Variants in IFT122 observed in about 807,000 individuals in gnomAD.
IFT122 encodes intraflagellar transport 122.
In IFT122, 118 loss-of-function variants were observed where a neutral mutation model predicts 161.6. That is an observed-to-expected ratio of 0.73 (90% CI 0.63 to 0.85). IFT122 has a LOEUF of 0.85. IFT122 is among the 40% of genes least tolerant of loss of function. The probability of loss-of-function intolerance (pLI) is 0.00; values close to 1 mark genes in which losing one functional copy is unlikely to be tolerated. For missense variants in IFT122, 1,381 were observed against 1,579.6 expected (o/e 0.87, Z 2.13); for synonymous variants, 550 against 602.4 (o/e 0.91, Z 1.27).
At chr3:129,519,806 G>A in intron 29 of IFT122, 74 bp downstream of exon 29, 3 of 1,571,848 alleles carry the variant, frequency 1.9e-6, no homozygotes, top group African/African-American at 1.3e-5. Flanking sequence ...CCCTCTGGGA[G>A]GCGTGGCCCC....
At chr3:129,450,011 C>CT (rs79918649) in intron 2 of IFT122, 74 bp downstream of exon 2, 49,153 of 758,552 alleles carry the variant, frequency 0.065, 3 homozygotes, top group East Asian at 0.082. Context: ...AAATTTGACC[C>CT]TTTTTTTTTT....
In IFT122 at chr3:129,478,060, A is replaced by G. The variant is rs1180097236; in HGVS notation, c.1192A>G (p.Arg398Gly). ...GCTTGTCAAGAAGATTGCCATCTAC[A>G]GAAATCGATTGGCTATCCAACTGCC... The part of the protein sequence containing the change: ...KELVKKIAIY[R>G]NRLAIQLPEK... Residue 398 changes from arginine to glycine, a missense_variant, in exon 12 of 30, where the codon AGA (arginine) becomes GGA (glycine). Coordinates refer to ENST00000348417, the MANE Select transcript of IFT122 (RefSeq NM_052989.3). 6.2e-7 allele frequency: 1 copy of G among 1,614,260 alleles called. No individual in the cohort carries two copies.
At position 129,520,419 on chromosome 3, in the gene IFT122, T is replaced by A. The variant is rs1305106175; in HGVS notation, c.*154T>A. On this transcript the variant is annotated 3_prime_UTR_variant, in exon 30 of 30. Transcript: ENST00000348417. Reference sequence around the variant, plus strand: ...CCTTGTGTAACCACGGAATTCCTATTTATGGCATTTCATGCCTTGTAAATA... The same window carrying A: ...CCTTGTGTAACCACGGAATTCCTATATATGGCATTTCATGCCTTGTAAATA... The A allele has an allele frequency of 2.9e-6, 2 of 696,792 alleles. No individual in the cohort carries two copies. Among genetic ancestry groups the A allele is most frequent in the African/African-American group, 1.7e-5 (1 of 57,294 alleles). 43.2% of individuals were successfully genotyped at this position (696,792 alleles called of 1,614,324 possible). A position where few individuals can be genotyped will look rare whatever the true frequency, so the allele number is the denominator to read the frequency against.
chr3:129,483,529 C>T lies in IFT122; in HGVS notation c.1698C>T (p.Asp566=), dbSNP rs756137575. The T allele has an allele frequency of 6.2e-7, 1 of 1,613,986 alleles. No homozygotes were observed. The highest frequency in any genetic ancestry group is 1.3e-5 in the African/African-American group (1 of 74,894). Reference sequence around the variant, plus strand: ...TAGCTTGGAACACCCAGTGTGAGGACATGCTCTGCTTCTCGGGAGGAGGCT... The same window carrying T: ...TAGCTTGGAACACCCAGTGTGAGGATATGCTCTGCTTCTCGGGAGGAGGCT... ...NSVAWNTQCE[D]MLCFSGGGYL... is the part of the protein sequence containing the mutation. The change falls in exon 15 of 30, where the codon GAC becomes GAT. Residue 566 remains aspartate, a synonymous_variant. Transcript: ENST00000348417.
chr3:129,518,656 C>T (rs2084324029), intron 27 of IFT122, among the ~76,000 whole-genome samples: 1 of 152,170 alleles, frequency 6.6e-6, no homozygotes, highest in African/African-American at 2.4e-5. Flanking sequence ...CCCCTGCTGG[C>T]CTCTGTTACC....
In IFT122 at chr3:129,514,544, A is replaced by G; in HGVS notation, c.3143A>G (p.His1048Arg). The G allele has an allele frequency of 1.2e-6, 2 of 1,614,106 alleles. No homozygotes were observed. Among genetic ancestry groups the G allele is most frequent in the Non-Finnish European group, 1.7e-6 (2 of 1,180,010 alleles). The change falls in exon 25 of 30, where the codon CAC (histidine) becomes CGC (arginine). Residue 1048 changes from histidine (H) to arginine (R), a missense_variant. By Grantham distance (29) the His-to-Arg change is conservative. Coordinates refer to ENST00000348417, the MANE Select transcript of IFT122 (RefSeq NM_052989.3). ...CTGACCATCCGCGCCAAGCCCTTCC[A>G]CGACAGTGAGGTGAGGATGCAGCAC... ...GTLTIRAKPF[H>R]DSEELVPLCY...
chr3:129,440,915 G>A (rs568611610), intron 1 of IFT122, among the ~76,000 whole-genome samples: 45 of 152,328 alleles, frequency 3.0e-4, no homozygotes, highest in Middle Eastern at 3.4e-3. Flanking sequence ...TGAACAAGCT[G>A]TAGCTAGCTA....
chr3:129,517,060 CAG>C (rs1175995619), intron 26 of IFT122, among the ~76,000 whole-genome samples: 1 of 116,128 alleles, frequency 8.6e-6, no homozygotes, highest in East Asian at 2.9e-4. Context: ...CACACACACA[CAG>C]ACTGCCCCTG....
intron 3 of IFT122, among the ~76,000 whole-genome samples, chr3:129,456,632 G>A (rs1359020736): frequency 6.6e-6 from 1 of 151,692 alleles, no homozygotes; most frequent in Non-Finnish European, 1.5e-5. Context: ...GCTAGACTCC[G>A]TCTCAAAAAG....
At position 129,440,309 on chromosome 3, in the gene IFT122, C is replaced by A. The variant is rs551140180; in HGVS notation, c.-22C>A. The A allele has an allele frequency of 1.5e-4, 236 of 1,549,688 alleles. 2 individuals carry two copies. The South Asian group carries it at 2.7e-3, about 18-fold the overall frequency. On this transcript the variant is annotated 5_prime_UTR_variant, in exon 1 of 30. Coordinates refer to ENST00000348417, the MANE Select transcript of IFT122 (RefSeq NM_052989.3). Reference sequence around the variant, plus strand: ...AGACGCTGAGGCGGGTAGGAGGAGCCCGAGCCGTAAGGGAAGCCGTGATGA... The same window carrying A: ...AGACGCTGAGGCGGGTAGGAGGAGCACGAGCCGTAAGGGAAGCCGTGATGA...
In IFT122 at chr3:129,469,457, T is replaced by TTA. The variant is rs777953704; in HGVS notation, c.816+44_816+45dup. On this transcript the variant is annotated intron_variant, in intron 9 of 29. Transcript: ENST00000348417. Reference sequence around the variant, plus strand: ...ACAAATCCAATTGCAGTCATGCCTGTTATATTTTCATTTTCTGAGATTCTG... The same window carrying TTA: ...ACAAATCCAATTGCAGTCATGCCTGTTATATATTTTCATTTTCTGAGATTCTG... The TTA allele has an allele frequency of 5.5e-6, 8 of 1,458,662 alleles. No individual in the cohort carries two copies. The East Asian group carries it at 1.8e-4, about 33-fold the overall frequency. The allele number at this position is 1,458,662 out of a possible 1,614,324, so 90.4% of individuals were successfully genotyped here.
At chr3:129,487,905 A>G (rs1378201307) in intron 15 of IFT122, 3 of 376,306 alleles carry the variant, frequency 8.0e-6, no homozygotes, top group East Asian at 6.3e-5. Context: ...TGACATTTCA[A>G]CAGGGCCTTG....
intron 7 of IFT122, 128 bp from the exon 8 acceptor site, chr3:129,466,762 T>A: frequency 1.2e-6 from 1 of 865,948 alleles, no homozygotes; most frequent in Non-Finnish European, 1.9e-6. Flanking sequence ...CTCGGCCTCC[T>A]GAAGTGCTGG....
At chr3:129,489,584 A>T (rs1210867961) in intron 16 of IFT122, among the ~76,000 whole-genome samples, 2 of 152,074 alleles carry the variant, frequency 1.3e-5, no homozygotes, top group South Asian at 2.1e-4. Context: ...CACGCCTGTA[A>T]ATCCTAGCAC....
chr3:129,500,321 C>T (rs1482784599), intron 19 of IFT122, among the ~76,000 whole-genome samples: 9 of 152,312 alleles, frequency 5.9e-5, no homozygotes, highest in Middle Eastern at 3.4e-3. Context: ...ATTTGCTGAG[C>T]GCTCACTACA....
At chr3:129,454,496 T>C (rs2075214192) in intron 3 of IFT122, among the ~76,000 whole-genome samples, 1 of 149,820 alleles carries the variant, frequency 6.7e-6, no homozygotes, top group South Asian at 2.1e-4. Flanking sequence ...AGGTGTGCTG[T>C]ACCATGGTAG....
chr3:129,492,335 T>A (rs1371174079), intron 17 of IFT122, 141 bp downstream of exon 17: 2 of 771,638 alleles, frequency 2.6e-6, no homozygotes, highest in East Asian at 2.5e-5. Context: ...ACAGCCTTGC[T>A]CCGGGGGCAG....
intron 18 of IFT122, 105 bp downstream of exon 18, chr3:129,495,712 G>A (rs561998553): frequency 2.3e-6 from 3 of 1,299,522 alleles, no homozygotes; most frequent in Admixed American, 3.5e-5. Flanking sequence ...ACAAAAACTA[G>A]CAATGGTCTC....
chr3:129,510,437 C>T (rs2082694583), intron 23 of IFT122, among the ~76,000 whole-genome samples: 1 of 152,202 alleles, frequency 6.6e-6, no homozygotes, highest in Non-Finnish European at 1.5e-5. Context: ...TCTTCCCTTA[C>T]AGTCTTTGGC....
Sources: gnomAD v4.1 joint callset for allele counts (sites outside exome capture counted in the v4.1 genomes callset) on GRCh38, gnomAD v4.1.1 for gene constraint, MANE v1.5 for transcripts, NCBI Gene and HGNC (gene_info 2026-07-23, HGNC 2026-07-21) for gene names.